The following EARS2 variants were observed in gnomAD, a reference collection of about 807,000 sequenced individuals.
The protein encoded by EARS2 is nondiscriminating glutamyl-tRNA synthetase EARS2, mitochondrial.
In EARS2, 50 loss-of-function variants were observed where a neutral mutation model predicts 54.1. The ratio of observed to expected loss-of-function variants is 0.92; its 90% CI spans 0.74 to 1.17. The LOEUF is 1.17. EARS2 is among the 50% of genes most tolerant of loss of function. EARS2 has a pLI of 0.00. For missense variants in EARS2, 673 were observed against 675.0 expected (o/e 1.00, Z 0.03); for synonymous variants, 298 against 281.0 (o/e 1.06, Z -0.61).
rs769493491 is a variant in EARS2, at chr16:23,525,397, G to A, written c.1353-18C>T. 6.2e-7 allele frequency: 1 copy of A among 1,608,184 alleles called. No individual in the cohort carries two copies. Among genetic ancestry groups the A allele is most frequent in the Non-Finnish European group, 8.5e-7 (1 of 1,177,112 alleles). Reference sequence around the variant, plus strand: ...CTAGAAGCCTAGAAGAAGAGGGCCAGTTTACAGGGCCTGCATGGGCCAATG... The same window carrying A: ...CTAGAAGCCTAGAAGAAGAGGGCCAATTTACAGGGCCTGCATGGGCCAATG... On this transcript the variant is annotated intron_variant, in intron 7 of 8. Coordinates refer to ENST00000449606, the MANE Select transcript of EARS2 (RefSeq NM_001083614.2).
At chr16:23,541,285 C>T (rs892845573) in intron 3 of EARS2, among the ~76,000 whole-genome samples, 1 of 152,158 alleles carries the variant, frequency 6.6e-6, no homozygotes, top group Non-Finnish European at 1.5e-5. Flanking sequence ...CAAGATCTTG[C>T]CACTGCACTC....
intron 1 of EARS2, chr16:23,553,007 A>G (rs970494386): frequency 1.6e-5 from 6 of 373,370 alleles, no homozygotes; most frequent in African/African-American, 6.5e-5. Flanking sequence ...ATGGTGGTAC[A>G]TGCCTGTGGT....
intron 3 of EARS2, among the ~76,000 whole-genome samples, chr16:23,542,160 A>T (rs542997032): frequency 1.5e-4 from 22 of 150,016 alleles, no homozygotes; most frequent in Non-Finnish European, 3.3e-4. Flanking sequence ...TCCAGGCCTA[A>T]TTTTTGTATT....
At position 23,523,835 on chromosome 16, in the gene EARS2, CT is replaced by C. The variant is rs11300207; in HGVS notation, c.*535del. On this transcript the variant is annotated 3_prime_UTR_variant, in exon 9 of 9. Transcript: ENST00000449606. ...GAGGAACGTTGGGCACATAATGAAA[CT>C]TAGAGATGTGTGTGCATGGAGGGAA... is the stretch of plus-strand genomic sequence containing the variant. 130,929 of 152,942 alleles carry C rather than the reference CT, an allele frequency of 0.86. 56,234 individuals carry two copies. The highest frequency in any genetic ancestry group is 0.91 in the Middle Eastern group (267 of 294). 9.5% of individuals were successfully genotyped at this position (152,942 alleles called of 1,614,324 possible).
At chr16:23,544,450 G>T in intron 3 of EARS2, 64 bp downstream of exon 3, 1 of 1,485,054 alleles carries the variant, frequency 6.7e-7, no homozygotes, top group Non-Finnish European at 9.2e-7. Context: ...AATTTCTTAC[G>T]CAGCACAAGG....
rs141049787 is a variant in EARS2 at position 23,542,536 on chromosome 16, G to C, written c.485+1978C>G. 5.6e-3 allele frequency among the ~76,000 whole-genome samples: 844 copies of C among 150,744 alleles called. 4 individuals carry two copies. Among genetic ancestry groups the C allele is most frequent in the African/African-American group, 0.019 (782 of 41,120 alleles). ...TCACCACATTGGCCAGGCTGGTCCT[G>C]AACTCTTGACCTCGTGATCCACCCA... On this transcript the variant is annotated intron_variant, in intron 3 of 8. Transcript: ENST00000449606.
Position 23,524,343 on chromosome 16 carries a change from G to C in EARS2, c.*28C>G, listed in dbSNP as rs150304027. 5.0e-5 allele frequency: 80 copies of C among 1,591,366 alleles called. No homozygotes were observed. The highest frequency in any genetic ancestry group is 6.5e-5 in the Non-Finnish European group (75 of 1,159,388). On this transcript the variant is annotated 3_prime_UTR_variant, in exon 9 of 9. Coordinates refer to ENST00000449606, the MANE Select transcript of EARS2 (RefSeq NM_001083614.2). Reference sequence around the variant, plus strand: ...TTCTAAGCTCACAGGTTCTTAGGGCGATCTCCACTGCCCGAAACATCCTCT... The same window carrying C: ...TTCTAAGCTCACAGGTTCTTAGGGCCATCTCCACTGCCCGAAACATCCTCT...
At chr16:23,549,930 C>T (rs527526209) in intron 2 of EARS2, among the ~76,000 whole-genome samples, 1 of 152,348 alleles carries the variant, frequency 6.6e-6, no homozygotes, top group Admixed American at 6.5e-5. Context: ...GCTGGCTCCT[C>T]ACTTCATGCA....
intron 3 of EARS2, among the ~76,000 whole-genome samples, chr16:23,540,732 T>C (rs1184280755): frequency 6.6e-6 from 1 of 151,914 alleles, no homozygotes; most frequent in Non-Finnish European, 1.5e-5. Flanking sequence ...GAGCTCGTCC[T>C]AGCACTTTGG....
intron 2 of EARS2, among the ~76,000 whole-genome samples, chr16:23,549,029 C>T (rs1965651579): frequency 6.6e-6 from 1 of 152,148 alleles, no homozygotes; most frequent in South Asian, 2.1e-4. Context: ...ACCTGCACAC[C>T]TCATTCCTCT....
intron 1 of EARS2, among the ~76,000 whole-genome samples, chr16:23,553,441 C>T (rs1597028670): frequency 1.3e-5 from 2 of 152,096 alleles, no homozygotes; most frequent in African/African-American, 4.8e-5. Flanking sequence ...TACAAACAAA[C>T]TAGAAATTTA....
At chr16:23,547,469 CTT>C (rs1965622766) in intron 2 of EARS2, among the ~76,000 whole-genome samples, 1 of 152,152 alleles carries the variant, frequency 6.6e-6, no homozygotes, top group South Asian at 2.1e-4. Flanking sequence ...GAATTGTACA[CTT>C]TGATATGGTA....
chr16:23,554,630 T>C (rs901138541), intron 1 of EARS2, among the ~76,000 whole-genome samples: 7 of 152,198 alleles, frequency 4.6e-5, no homozygotes, highest in African/African-American at 1.7e-4. Flanking sequence ...AACCTTCGGA[T>C]AGTTACTGCA....
chr16:23,530,639 G>T (rs1027113969), intron 5 of EARS2, among the ~76,000 whole-genome samples: 1 of 152,072 alleles, frequency 6.6e-6, no homozygotes, highest in African/African-American at 2.4e-5. Context: ...AGGCCAAGAA[G>T]GGAGGATCAC....
rs894557936 is a variant in EARS2 at position 23,524,070 on chromosome 16, G to A, written c.*301C>T. On this transcript the variant is annotated 3_prime_UTR_variant, in exon 9 of 9. Coordinates refer to ENST00000449606, the MANE Select transcript of EARS2 (RefSeq NM_001083614.2). ...AAACCCAAGCCTTCTGCACTGTTCC[G>A]GGATGTTAACTTTTCTGTGAACTAA... is the stretch of plus-strand genomic sequence containing the variant. The A allele has an allele frequency of 9.6e-6, 4 of 415,550 alleles. No homozygotes were observed. Among genetic ancestry groups the A allele is most frequent in the Non-Finnish European group, 1.3e-5 (3 of 227,226 alleles). 25.7% of individuals were successfully genotyped at this position (415,550 alleles called of 1,614,324 possible). A position where few individuals can be genotyped will look rare whatever the true frequency, so the allele number is the denominator to read the frequency against.
chr16:23,557,306 C>G lies in EARS2; in HGVS notation c.38G>C (p.Arg13Thr). The part of the protein sequence containing the change: ...ALLRRLLQRE[R>T]PSAASGRPVG... ...GGGGCGGCCAGAGGCCGCCGAAGGC[C>G]TCTCGCGCTGCAGCAGTCTCCTCAG... Residue 13 changes from arginine to threonine, a missense_variant, in exon 1 of 9, where the codon AGG becomes ACG. Coordinates refer to ENST00000449606, the MANE Select transcript of EARS2 (RefSeq NM_001083614.2). The G allele has an allele frequency of 6.6e-7, 1 of 1,522,386 alleles. No individual in the cohort carries two copies. Among genetic ancestry groups the G allele is most frequent in the South Asian group, 1.2e-5 (1 of 82,016 alleles). 94.3% of individuals were successfully genotyped at this position (1,522,386 alleles called of 1,614,324 possible).
At chr16:23,548,649 C>T (rs528852033) in intron 2 of EARS2, among the ~76,000 whole-genome samples, 2 of 152,104 alleles carry the variant, frequency 1.3e-5, no homozygotes, top group South Asian at 4.1e-4. Flanking sequence ...AATGGCATGA[C>T]TGACAGGAGA....
rs755098700 is a variant in EARS2, at chr16:23,535,287, T to G, written c.559A>C (p.Ile187Leu). Residue 187 changes from isoleucine to leucine, a missense_variant, in exon 4 of 9, where the codon ATC (isoleucine) becomes CTC (leucine). By Grantham distance (5) the Ile-to-Leu change is conservative (BLOSUM62 2). This residue lies in a region of EARS2 where 316 missense variants were observed against 275.2 expected (regional missense o/e 1.15). Transcript: ENST00000449606. Reference sequence around the variant, plus strand: ...ACCACCTGCTCCAGGCGGAAGCGGATCGCAGGCTTGGGGTCCTTGGCCAGC... The same window carrying G: ...ACCACCTGCTCCAGGCGGAAGCGGAGCGCAGGCTTGGGGTCCTTGGCCAGC... Reference protein sequence around the residue: ...QKLAKDPKPAIRFRLEQVVPA... With the variant: ...QKLAKDPKPALRFRLEQVVPA... The G allele has an allele frequency of 1.9e-6, 3 of 1,606,964 alleles. No individual in the cohort carries two copies. The highest frequency in any genetic ancestry group is 2.5e-6 in the Non-Finnish European group (3 of 1,179,978).
At chr16:23,548,997 T>C (rs1425475220) in intron 2 of EARS2, among the ~76,000 whole-genome samples, 2 of 152,176 alleles carry the variant, frequency 1.3e-5, no homozygotes, top group Admixed American at 6.5e-5. Flanking sequence ...AAAATTCTTC[T>C]CTGCCTTACT....
Sources: gnomAD v4.1 joint callset for allele counts (sites outside exome capture counted in the v4.1 genomes callset) on GRCh38, gnomAD v4.1.1 for gene constraint, gnomAD v4.1.1 regional missense constraint, MANE v1.5 for transcripts, NCBI Gene and HGNC (gene_info 2026-07-23, HGNC 2026-07-21) for gene names.